Variants in PDE4D observed in about 807,000 individuals in gnomAD.
The protein encoded by PDE4D is 3',5'-cyclic-AMP phosphodiesterase 4D.
Under a neutral mutation model 87.4 loss-of-function variants are expected in PDE4D, and 24 were observed. The observed-to-expected ratio is 0.27, with a 90% CI of 0.20 to 0.39. The LOEUF is 0.39. Among genes scored for constraint, PDE4D ranks in the 10% least tolerant of loss-of-function variants. The pLI, the probability that PDE4D is intolerant of heterozygous loss-of-function variation, is 1.00. For missense variants in PDE4D, 714 were observed against 1,041.0 expected (o/e 0.69, Z 4.32); for synonymous variants, 384 against 383.2 (o/e 1.00, Z -0.02).
chr5:60,068,112 T>C lies in PDE4D; in HGVS notation c.43-79395A>G, dbSNP rs1445258798. 2.0e-5 allele frequency among the ~76,000 whole-genome samples: 3 copies of C among 152,194 alleles called. No homozygotes were observed. The East Asian group carries it at 5.8e-4, about 29-fold the overall frequency. The stretch of plus-strand genomic sequence containing the variant: ...AAAGTGGGATTGCTGGATCATGTAA[T>C]TGCATTTTTAAATGTTTAGAGGAAC... On this transcript the variant is annotated intron_variant, in intron 2 of 16. Transcript: ENST00000502484.
chr5:60,384,779 A>G (rs1762092065), intron 1 of PDE4D, among the ~76,000 whole-genome samples: 1 of 152,216 alleles, frequency 6.6e-6, no homozygotes, highest in Non-Finnish European at 1.5e-5. Context: ...GCTGATGCTC[A>G]GCTTCCAAAC....
chr5:60,057,011 T>G (rs1399396016), intron 2 of PDE4D, among the ~76,000 whole-genome samples: 1 of 152,076 alleles, frequency 6.6e-6, no homozygotes. Context: ...TTAAAGGAAT[T>G]TTCCCACATA....
chr5:59,625,924 C>G (rs1022736516), intron 1 of PDE4D, among the ~76,000 whole-genome samples: 3 of 151,910 alleles, frequency 2.0e-5, no homozygotes, highest in African/African-American at 7.3e-5. Flanking sequence ...ACTAAAAAAA[C>G]AAAAATACAA....
chr5:60,360,744 C>T (rs1759991726), intron 1 of PDE4D, among the ~76,000 whole-genome samples: 1 of 152,264 alleles, frequency 6.6e-6, no homozygotes, highest in East Asian at 1.9e-4. Flanking sequence ...AGTCTTCTCC[C>T]AGAAACTATC....
intron 5 of PDE4D, among the ~76,000 whole-genome samples, chr5:59,149,850 T>G (rs1779230368): frequency 6.6e-6 from 1 of 152,190 alleles, no homozygotes; most frequent in East Asian, 1.9e-4. Flanking sequence ...AGATTTTTTT[T>G]TAACCTGAAT....
At chr5:59,832,983 G>A (rs1450615903) in intron 1 of PDE4D, among the ~76,000 whole-genome samples, 1 of 152,030 alleles carries the variant, frequency 6.6e-6, no homozygotes, top group Admixed American at 6.6e-5. Flanking sequence ...AGGGATGGGG[G>A]AAATGGAGAG....
At chr5:59,684,865 A>G (rs886643751) in intron 1 of PDE4D, among the ~76,000 whole-genome samples, 11 of 152,216 alleles carry the variant, frequency 7.2e-5, no homozygotes, top group African/African-American at 1.2e-4. Context: ...GGCTAGCCCA[A>G]TCAAGGATGC....
intron 1 of PDE4D, among the ~76,000 whole-genome samples, chr5:60,218,645 G>A (rs1486482188): frequency 6.6e-6 from 1 of 152,062 alleles, no homozygotes; most frequent in Non-Finnish European, 1.5e-5. Context: ...TCTGTGATAT[G>A]ACTGTGAAGT....
At chr5:59,916,736 G>A (rs970210500) in intron 3 of PDE4D, among the ~76,000 whole-genome samples, 8 of 152,082 alleles carry the variant, frequency 5.3e-5, no homozygotes, top group African/African-American at 1.7e-4. Flanking sequence ...AAGAGTCACA[G>A]CATACATTGG....
At chr5:59,128,270 C>T (rs1006923929) in intron 5 of PDE4D, among the ~76,000 whole-genome samples, 1 of 151,484 alleles carries the variant, frequency 6.6e-6, no homozygotes, top group African/African-American at 2.4e-5. Context: ...ACCTCCTCTC[C>T]TTTTTTTAAT....
chr5:59,357,044 C>T (rs773418119), intron 1 of PDE4D: 7 of 502,160 alleles, frequency 1.4e-5, no homozygotes, highest in Non-Finnish European at 2.0e-5. Context: ...GGACTTCCTG[C>T]TGCATGACAC....
At chr5:60,487,422 G>A (rs960097428) in intron 1 of PDE4D, among the ~76,000 whole-genome samples, 4 of 152,184 alleles carry the variant, frequency 2.6e-5, no homozygotes, top group Non-Finnish European at 5.9e-5. Context: ...CATAGTGTAT[G>A]TCTTCAATTG....
chr5:59,039,488 C>T, intron 5 of PDE4D: 1 of 985,610 alleles, frequency 1.0e-6, no homozygotes, highest in South Asian at 4.7e-5. Flanking sequence ...AATGAATCAG[C>T]CGCGGCCGGG....
At chr5:59,049,727 C>G (rs995689274) in intron 5 of PDE4D, among the ~76,000 whole-genome samples, 2 of 152,172 alleles carry the variant, frequency 1.3e-5, no homozygotes, top group African/African-American at 2.4e-5. Context: ...ACTGACTTCC[C>G]TGAAGTCACC....
intron 1 of PDE4D, among the ~76,000 whole-genome samples, chr5:60,432,718 G>A (rs1302684984): frequency 6.6e-6 from 1 of 152,032 alleles, no homozygotes; most frequent in Non-Finnish European, 1.5e-5. Flanking sequence ...CATGGTATAG[G>A]TACAAAAATA....
rs559331799 is a variant in PDE4D at position 59,638,573 on chromosome 5, G to A, written c.455+254595C>T. On this transcript the variant is annotated intron_variant, in intron 1 of 14. Coordinates refer to ENST00000340635, the MANE Select transcript of PDE4D (RefSeq NM_001104631.2). ...CAGGGACCTTAAATGAGAGAGATAC[G>A]GAGCTTAACCTGAGGGCAGCAGGGC... 3.9e-5 allele frequency among the ~76,000 whole-genome samples: 6 copies of A among 152,198 alleles called. No individual in the cohort carries two copies. The East Asian group carries it at 5.8e-4, about 15-fold the overall frequency.
intron 2 of PDE4D, among the ~76,000 whole-genome samples, chr5:60,052,553 C>G (rs910602790): frequency 1.3e-5 from 2 of 152,086 alleles, no homozygotes; most frequent in African/African-American, 4.8e-5. Context: ...ATAGTAAGAG[C>G]TATTTATGAC....
In PDE4D at chr5:59,230,309, A is replaced by G. The variant is rs999047545; in HGVS notation, c.456-14341T>C. Among the ~76,000 whole-genome samples the G allele has an allele frequency of 5.3e-5, 8 of 152,206 alleles. No homozygotes were observed. In the South Asian group the frequency reaches 1.7e-3, roughly 32 times the overall value. ...ACCTAGTCCTGGGGAATGGGGAGTGATTCCATTAGGTCAGATATTGAACTC... is the reference window on the plus strand; with the variant it reads ...ACCTAGTCCTGGGGAATGGGGAGTGGTTCCATTAGGTCAGATATTGAACTC... On this transcript the variant is annotated intron_variant, in intron 1 of 14. Coordinates refer to ENST00000340635, the MANE Select transcript of PDE4D (RefSeq NM_001104631.2).
At chr5:59,973,193 T>G (rs1315854149) in intron 3 of PDE4D, among the ~76,000 whole-genome samples, 3 of 152,196 alleles carry the variant, frequency 2.0e-5, no homozygotes, top group African/African-American at 7.2e-5. Context: ...AAATTGTAAA[T>G]AAATAATAAA....
Sources: allele counts gnomAD v4.1 joint callset (sites outside exome capture counted in the v4.1 genomes callset), GRCh38; gene constraint gnomAD v4.1.1; transcripts MANE v1.5; gene names NCBI Gene and HGNC (gene_info 2026-07-23, HGNC 2026-07-21).